The following CTNNA3 variants were observed in gnomAD, a reference collection of about 807,000 sequenced individuals.
CTNNA3 encodes the protein catenin alpha-3.
CTNNA3 carries 76 observed loss-of-function variants against 95.7 expected under a neutral mutation model. The observed-to-expected ratio is 0.79, with a 90% CI of 0.66 to 0.96. The LOEUF (loss-of-function observed/expected upper bound fraction) is 0.96, where lower values mean the gene tolerates loss of function less well. Ranked by LOEUF, CTNNA3 falls within the 40% of genes least tolerant of loss-of-function variation. The probability of loss-of-function intolerance (pLI) is 0.00; values close to 1 mark genes in which losing one functional copy is unlikely to be tolerated. For synonymous variants in CTNNA3, 431 were observed against 374.4 expected (o/e 1.15, Z -1.74); for missense variants, 1,191 against 1,089.8 (o/e 1.09, Z -1.31).
intron 10 of CTNNA3, among the ~76,000 whole-genome samples, chr10:66,607,482 A>C (rs1273204301): frequency 7.0e-6 from 1 of 143,090 alleles, no homozygotes; most frequent in Admixed American, 6.8e-5. Flanking sequence ...CAAAAAAAAA[A>C]AAAAAAAAAA....
chr10:67,071,718 C>T (rs1011795124), intron 7 of CTNNA3, among the ~76,000 whole-genome samples: 1 of 152,116 alleles, frequency 6.6e-6, no homozygotes, highest in African/African-American at 2.4e-5. Context: ...GTATTCTCTC[C>T]TCTCCTTTGG....
Position 66,490,828 on chromosome 10 carries a change from T to A in CTNNA3, c.1531+29789A>T, listed in dbSNP as rs188526892. Among the ~76,000 whole-genome samples, 261 of 152,284 alleles carry A rather than the reference T, an allele frequency of 1.7e-3. 1 individual carries two copies. Among genetic ancestry groups the A allele is most frequent in the African/African-American group, 4.4e-3 (182 of 41,574 alleles). On this transcript the variant is annotated intron_variant, in intron 11 of 17. Coordinates refer to ENST00000433211, the MANE Select transcript of CTNNA3 (RefSeq NM_013266.4). Reference sequence around the variant, plus strand: ...TTTCAAGATATAGTCTTCATCAGTATGGGTCTCTGCGTGACTAATACATGC... The same window carrying A: ...TTTCAAGATATAGTCTTCATCAGTAAGGGTCTCTGCGTGACTAATACATGC...
chr10:66,360,740 CTTT>C (rs1284302972), intron 12 of CTNNA3, among the ~76,000 whole-genome samples: 26 of 53,932 alleles, frequency 4.8e-4, no homozygotes, highest in African/African-American at 1.6e-3. Flanking sequence ...TTCTTTCTTT[CTTT>C]CTTCCTTCCT....
At chr10:66,340,272 C>A (rs2092440149) in intron 12 of CTNNA3, among the ~76,000 whole-genome samples, 1 of 151,788 alleles carries the variant, frequency 6.6e-6, no homozygotes, top group Admixed American at 6.6e-5. Context: ...AAAGTGTCAA[C>A]TCTACTACTG....
chr10:66,518,011 TA>T (rs1840924088), intron 11 of CTNNA3, among the ~76,000 whole-genome samples: 1 of 152,128 alleles, frequency 6.6e-6, no homozygotes, highest in African/African-American at 2.4e-5. Context: ...CCACATAGCT[TA>T]ACTGCTCCTA....
chr10:67,361,509 G>T (rs941756734), intron 5 of CTNNA3, among the ~76,000 whole-genome samples: 1 of 152,240 alleles, frequency 6.6e-6, no homozygotes, highest in East Asian at 1.9e-4. Flanking sequence ...TAGACAACTT[G>T]TTCCTGGAAG....
intron 10 of CTNNA3, among the ~76,000 whole-genome samples, chr10:66,529,147 G>C (rs1003683728): frequency 6.6e-6 from 1 of 151,702 alleles, no homozygotes; most frequent in Non-Finnish European, 1.5e-5. Context: ...ATTTTTTTGA[G>C]ACAGAGTTTT....
At chr10:67,440,875 T>C (rs1846485917) in intron 5 of CTNNA3, among the ~76,000 whole-genome samples, 2 of 151,896 alleles carry the variant, frequency 1.3e-5, no homozygotes, top group Non-Finnish European at 2.9e-5. Flanking sequence ...AATACCTAAC[T>C]CTTCAATGCC....
chr10:67,307,001 G>A (rs1057254061), intron 5 of CTNNA3, among the ~76,000 whole-genome samples: 3 of 152,074 alleles, frequency 2.0e-5, no homozygotes, highest in African/African-American at 7.2e-5. Flanking sequence ...AAGGAAGGAA[G>A]ATACAAAAAA....
At chr10:67,005,924 G>A (rs940699849) in intron 7 of CTNNA3, among the ~76,000 whole-genome samples, 2 of 151,640 alleles carry the variant, frequency 1.3e-5, no homozygotes, top group Non-Finnish European at 2.9e-5. Context: ...GTTCTCAGGT[G>A]ACCTGCCTGC....
chr10:66,059,757 A>C (rs1322374123), intron 15 of CTNNA3, among the ~76,000 whole-genome samples: 1 of 152,094 alleles, frequency 6.6e-6, no homozygotes, highest in Non-Finnish European at 1.5e-5. Flanking sequence ...AATCTGTATA[A>C]ATTTAGTAAA....
rs1252777174 is a variant in CTNNA3 at position 66,870,569 on chromosome 10, T to A, written c.1048-95045A>T. On this transcript the variant is annotated intron_variant, in intron 7 of 17. Coordinates refer to ENST00000433211, the MANE Select transcript of CTNNA3 (RefSeq NM_013266.4). ...CCAAATGCTGTGAACAAATTTCATATTCTTCAATGGGAAATTGAAGAATTT... is the reference window on the plus strand; with the variant it reads ...CCAAATGCTGTGAACAAATTTCATAATCTTCAATGGGAAATTGAAGAATTT... Among the ~76,000 whole-genome samples, 7 of 152,228 alleles carry A rather than the reference T, an allele frequency of 4.6e-5. No homozygotes were observed. The East Asian group carries it at 1.3e-3, about 29-fold the overall frequency.
intron 5 of CTNNA3, among the ~76,000 whole-genome samples, chr10:67,377,915 T>C (rs1177715434): frequency 6.6e-6 from 1 of 152,102 alleles, no homozygotes; most frequent in Non-Finnish European, 1.5e-5. Flanking sequence ...ACAGTCTTGC[T>C]CTGTCACCCA....
At chr10:66,464,731 T>G (rs951718497) in intron 11 of CTNNA3, among the ~76,000 whole-genome samples, 5 of 151,484 alleles carry the variant, frequency 3.3e-5, no homozygotes, top group Non-Finnish European at 7.4e-5. Flanking sequence ...CCACTGCACT[T>G]CAGCCTGTGT....
chr10:67,086,358 T>C, intron 7 of CTNNA3, among the ~76,000 whole-genome samples: 1 of 152,024 alleles, frequency 6.6e-6, no homozygotes, highest in Non-Finnish European at 1.5e-5. Flanking sequence ...GAATATCACT[T>C]CATTTAGTTG....
intron 3 of CTNNA3, among the ~76,000 whole-genome samples, chr10:67,564,189 C>G (rs1402785977): frequency 6.7e-6 from 1 of 149,786 alleles, no homozygotes; most frequent in Non-Finnish European, 1.5e-5. Context: ...AAGACACATG[C>G]ACACGTATGT....
chr10:65,977,143 A>G (rs1564552908), intron 16 of CTNNA3, among the ~76,000 whole-genome samples: 1 of 152,184 alleles, frequency 6.6e-6, no homozygotes. Context: ...AACTTTTAAA[A>G]GAATACTATT....
intron 10 of CTNNA3, among the ~76,000 whole-genome samples, chr10:66,578,784 C>CTTTTTTTTTT: frequency 7.0e-6 from 1 of 143,240 alleles, no homozygotes; most frequent in Non-Finnish European, 1.5e-5. Flanking sequence ...ATTTTTCTTT[C>CTTTTTTTTTT]TTTTTTTTTT....
chr10:66,102,672 A>T (rs1298040579), intron 14 of CTNNA3, among the ~76,000 whole-genome samples: 1 of 151,968 alleles, frequency 6.6e-6, no homozygotes, highest in Admixed American at 6.6e-5. Context: ...TTAGAATAAC[A>T]TATTTGGAGT....
Sources: allele counts gnomAD v4.1 joint callset (sites outside exome capture counted in the v4.1 genomes callset), GRCh38; gene constraint gnomAD v4.1.1; transcripts MANE v1.5; gene names NCBI Gene and HGNC (gene_info 2026-07-23, HGNC 2026-07-21).